PCDHA3: variants seen among roughly 807,000 people sequenced by gnomAD.
The protein encoded by PCDHA3 is protocadherin alpha 3, also known as protocadherin alpha-3.
PCDHA3 carries 41 observed loss-of-function variants against 62.2 expected under a neutral mutation model. The observed-to-expected ratio is 0.66, with a 90% CI of 0.51 to 0.86. PCDHA3 has a LOEUF of 0.86. Among genes scored for constraint, PCDHA3 ranks in the 40% least tolerant of loss-of-function variants. The pLI is 0.00. For synonymous variants in PCDHA3, 640 were observed against 555.4 expected, an observed-to-expected ratio of 1.15 and a Z score of -2.14; for missense variants, 1,304 against 1,241.2, an observed-to-expected ratio of 1.05 and a Z score of -0.76.
chr5:140,855,323 G>C lies in PCDHA3; in HGVS notation c.2394+51732G>C, dbSNP rs186152172. The stretch of plus-strand genomic sequence containing the variant: ...TTATAAAATTGGAACATGAGGGAGG[G>C]AGAGGTTAAACGATTTTCCCAAGTC... On this transcript the variant is annotated intron_variant, in intron 1 of 3. Transcript: ENST00000522353. 5.3e-5 allele frequency among the ~76,000 whole-genome samples: 8 copies of C among 149,960 alleles called. 1 individual carries two copies. The highest frequency in any genetic ancestry group is 7.5e-5 in the Non-Finnish European group (5 of 67,078).
At chr5:140,947,780 A>G (rs2094176112) in intron 1 of PCDHA3, among the ~76,000 whole-genome samples, 1 of 151,588 alleles carries the variant, frequency 6.6e-6, no homozygotes, top group Non-Finnish European at 1.5e-5. Flanking sequence ...TTGTAAATGG[A>G]TTTTAAACAG....
chr5:140,844,251 A>G (rs1554140582), intron 1 of PCDHA3, among the ~76,000 whole-genome samples: 1 of 149,748 alleles, frequency 6.7e-6, no homozygotes, highest in East Asian at 1.9e-4. Flanking sequence ...CGTTTTAAGC[A>G]GTGTAGTGAT....
In PCDHA3 at chr5:140,857,359, G is replaced by C. The variant is rs200721411; in HGVS notation, c.2394+53768G>C. 31 of 1,598,398 alleles carry C rather than the reference G, an allele frequency of 1.9e-5. 2 individuals carry two copies. In the African/African-American group the frequency reaches 2.4e-4, roughly 12 times the overall value. The stretch of plus-strand genomic sequence containing the variant: ...GGGGCTCGCCTCCGCTGTGGGCCAC[G>C]GCCAGCGTGTCTGTGGAGGTGGCCG... On this transcript the variant is annotated intron_variant, in intron 1 of 3. Transcript: ENST00000522353.
chr5:140,876,650 T>G lies in PCDHA3; in HGVS notation c.2394+73059T>G, dbSNP rs782068706. 4 of 1,614,162 alleles carry G rather than the reference T, an allele frequency of 2.5e-6. No individual in the cohort carries two copies. In the South Asian group the frequency reaches 4.4e-5, roughly 18 times the overall value. ...GTCATCTGCTCACTGACACCTCATG[T>G]TCCCTTCAAGCTGGTGTCCACCTAC... On this transcript the variant is annotated intron_variant, in intron 1 of 3. Transcript: ENST00000522353.
chr5:140,878,040 C>T, intron 1 of PCDHA3: 1 of 533,272 alleles, frequency 1.9e-6, no homozygotes, highest in Non-Finnish European at 3.0e-6. Flanking sequence ...ACAATGGAGG[C>T]CATGGAGCAC....
chr5:140,802,841 C>A lies in PCDHA3; in HGVS notation c.1644C>A (p.Asn548Lys), dbSNP rs782694897. ...RDAGVPPLGS[N>K]VTLQVFVLDE... is the part of the protein sequence containing the mutation. ...CGGGCGTGCCGCCTCTGGGCAGCAA[C>A]GTGACGCTGCAGGTGTTCGTGCTGG... Residue 548 changes from asparagine to lysine, a missense_variant, in exon 1 of 4, where the codon AAC (asparagine) becomes AAA (lysine). Physicochemically the swap from Asn to Lys is moderately conservative, Grantham distance 94. Coordinates refer to ENST00000522353, the MANE Select transcript of PCDHA3 (RefSeq NM_018906.3). 1.7e-5 allele frequency: 27 copies of A among 1,613,536 alleles called. No homozygotes were observed. Among genetic ancestry groups the A allele is most frequent in the Non-Finnish European group, 2.2e-5 (26 of 1,179,870 alleles).
chr5:140,857,573 G>A (rs142356019), intron 1 of PCDHA3: 83,412 of 1,596,632 alleles, frequency 0.052, 9,343 homozygotes, highest in Middle Eastern at 0.089. Flanking sequence ...CTACGTGTCG[G>A]TGCACGCGGA....
rs1437850359 is a variant in PCDHA3, at chr5:140,822,152, A to G, written c.2394+18561A>G. The G allele has an allele frequency of 1.7e-5, 27 of 1,614,268 alleles. 1 individual carries two copies. Among genetic ancestry groups the G allele is most frequent in the Admixed American group, 3.3e-5 (2 of 60,028 alleles). ...GTGGAGGTGGCAGTGAAGGACATCA[A>G]TGACAATCCGCCCAGGTTCTCCAGA... On this transcript the variant is annotated intron_variant, in intron 1 of 3. Coordinates refer to ENST00000522353, the MANE Select transcript of PCDHA3 (RefSeq NM_018906.3).
intron 1 of PCDHA3, among the ~76,000 whole-genome samples, chr5:140,960,124 T>C (rs966679082): frequency 3.3e-5 from 5 of 152,216 alleles, no homozygotes; most frequent in African/African-American, 1.2e-4. Flanking sequence ...GTATTCCTTA[T>C]GAAATACTTA....
chr5:140,868,027 G>T (rs2050246308), intron 1 of PCDHA3: 1 of 151,988 alleles, frequency 6.6e-6, no homozygotes, highest in African/African-American at 2.4e-5. Context: ...AACCAATGTT[G>T]GTGACTTGGA....
chr5:140,806,323 A>G (rs1281817199), intron 1 of PCDHA3, among the ~76,000 whole-genome samples: 2 of 152,238 alleles, frequency 1.3e-5, no homozygotes, highest in South Asian at 4.1e-4. Flanking sequence ...TAGGCACATT[A>G]CATACTGGAG....
At chr5:140,853,682 A>C in intron 1 of PCDHA3, 5 of 988,426 alleles carry the variant, frequency 5.1e-6, no homozygotes, top group Non-Finnish European at 6.1e-6. Context: ...TGGTCAACCT[A>C]TCCTTAGACC....
rs1262601662 is a variant in PCDHA3, at chr5:141,011,550, A to C, written c.*1613A>C. On this transcript the variant is annotated 3_prime_UTR_variant, in exon 4 of 4. Coordinates refer to ENST00000522353, the MANE Select transcript of PCDHA3 (RefSeq NM_018906.3). ...CATTGTTAATCAGCTTTTGTGTATG[A>C]AAGACACAGTAAAATTTCTTTCTTA... 6 of 153,770 alleles carry C rather than the reference A, an allele frequency of 3.9e-5. No homozygotes were observed. The highest frequency in any genetic ancestry group is 1.4e-4 in the African/African-American group (6 of 41,462). The allele number at this position is 153,770 out of a possible 1,614,324, so 9.5% of individuals were successfully genotyped here. A position where few individuals can be genotyped will look rare whatever the true frequency, so the allele number is the denominator to read the frequency against.
At chr5:140,989,060 G>A (rs1233023153) in intron 3 of PCDHA3, 1 of 152,138 alleles carries the variant, frequency 6.6e-6, no homozygotes, top group Non-Finnish European at 1.5e-5. Context: ...CTACATTGAG[G>A]CAATACAGTC....
chr5:140,913,955 AT>A (rs2076529735), intron 1 of PCDHA3, among the ~76,000 whole-genome samples: 2 of 152,108 alleles, frequency 1.3e-5, no homozygotes, highest in African/African-American at 2.4e-5. Context: ...ATATGATATC[AT>A]TTTTAAAAAA....
chr5:140,829,248 A>C (rs2150164667), intron 1 of PCDHA3: 23 of 1,614,078 alleles, frequency 1.4e-5, no homozygotes, highest in Admixed American at 1.2e-4. Context: ...GGGCAGGTGA[A>C]CTGCTCGCTG....
intron 2 of PCDHA3, chr5:140,982,212 C>A: frequency 2.1e-6 from 1 of 479,448 alleles, no homozygotes; most frequent in Non-Finnish European, 3.3e-6. Flanking sequence ...GTGAGCGCCA[C>A]ATGGCGTTAA....
At chr5:140,994,563 G>A (rs1554254253) in intron 3 of PCDHA3, among the ~76,000 whole-genome samples, 1 of 151,976 alleles carries the variant, frequency 6.6e-6, no homozygotes, top group Non-Finnish European at 1.5e-5. Flanking sequence ...AAATTAGCCG[G>A]GTGTGGTGGC....
chr5:140,836,281 C>G (rs2150256657), intron 1 of PCDHA3: 6 of 1,613,614 alleles, frequency 3.7e-6, no homozygotes, highest in Non-Finnish European at 4.2e-6. Flanking sequence ...GAGATCAGCA[C>G]GACACGAGCC....
Sources: allele counts gnomAD v4.1 joint callset (sites outside exome capture counted in the v4.1 genomes callset), GRCh38; gene constraint gnomAD v4.1.1; transcripts MANE v1.5; gene names NCBI Gene and HGNC (gene_info 2026-07-23, HGNC 2026-07-21).